RPS24: variants seen among roughly 807,000 people sequenced by gnomAD.
The protein encoded by RPS24 is ribosomal protein S24.
For synonymous variants in RPS24, 72 were observed against 55.6 expected, an observed-to-expected ratio of 1.30 and a Z score of -1.31; for missense variants, 100 against 162.5, an observed-to-expected ratio of 0.62 and a Z score of 2.09.
chr10:78,034,069 C>T, intron 1 of RPS24, 165 bp downstream of exon 1: 1 of 864,636 alleles, frequency 1.2e-6, no homozygotes, highest in Non-Finnish European at 1.9e-6. Flanking sequence ...GGCAGGGCGT[C>T]CGGGCTGGCG....
In RPS24 at chr10:78,036,627, C is replaced by T. The variant is rs115921114; in HGVS notation, c.280-567C>T. ...CTGAGGCTGCACTATTTTTAACTGA[C>T]GTTCGGTCATGTTAAAGGCCTTGCT... On this transcript the variant is annotated intron_variant, in intron 3 of 5. Coordinates refer to ENST00000372360, the MANE Select transcript of RPS24 (RefSeq NM_033022.4). The T allele has an allele frequency of 3.2e-3, 502 of 155,114 alleles. 3 individuals are homozygous for T. The highest frequency in any genetic ancestry group is 0.011 in the African/African-American group (476 of 41,532). 9.6% of individuals were successfully genotyped at this position (155,114 alleles called of 1,614,324 possible).
At chr10:78,050,695 C>T (rs1315826775) in intron 4 of RPS24, among the ~76,000 whole-genome samples, 1 of 152,204 alleles carries the variant, frequency 6.6e-6, no homozygotes, top group Non-Finnish European at 1.5e-5. Context: ...GTTGCATCCT[C>T]GAACTCCTAG....
intron 1 of RPS24, 196 bp downstream of exon 1, chr10:78,034,100 C>T (rs1336112557): frequency 1.5e-6 from 1 of 677,106 alleles, no homozygotes; most frequent in Non-Finnish European, 2.6e-6. Flanking sequence ...TAGACCCGGA[C>T]ACGCTGGGCT....
chr10:78,036,961 C>A (rs990131961), intron 3 of RPS24, among the ~76,000 whole-genome samples: 1 of 152,182 alleles, frequency 6.6e-6, no homozygotes, highest in Non-Finnish European at 1.5e-5. Context: ...CTCCCAAACT[C>A]CCTGTTGAGA....
Position 78,040,644 on chromosome 10 carries a change from T to G in RPS24, c.*49T>G, listed in dbSNP as rs932181858. The G allele has an allele frequency of 1.2e-6, 2 of 1,614,046 alleles. No homozygotes were observed. Among genetic ancestry groups the G allele is most frequent in the Non-Finnish European group, 1.7e-6 (2 of 1,179,960 alleles). On this transcript the variant is annotated 3_prime_UTR_variant, in exon 6 of 6. Transcript: ENST00000372360. Reference sequence around the variant, plus strand: ...AGGAGTAAAGGTGCTGCAATGATGTTAGCTGTGGCCACTGTGGATTTTTCG... The same window carrying G: ...AGGAGTAAAGGTGCTGCAATGATGTGAGCTGTGGCCACTGTGGATTTTTCG...
downstream of RPS24, among the ~76,000 whole-genome samples, chr10:78,042,186 T>G (rs1424894189): frequency 1.3e-5 from 2 of 152,228 alleles, no homozygotes; most frequent in Non-Finnish European, 2.9e-5. Context: ...TTGGCAGGGC[T>G]CCAGGCTGGC....
intron 4 of RPS24, among the ~76,000 whole-genome samples, chr10:78,050,107 A>C (rs934938622): frequency 1.3e-5 from 2 of 152,092 alleles, no homozygotes; most frequent in African/African-American, 4.8e-5. Flanking sequence ...TTCAGAACAA[A>C]TCAGCTCTTC....
chr10:78,042,183 G>C (rs1564630942), downstream of RPS24, among the ~76,000 whole-genome samples: 1 of 152,216 alleles, frequency 6.6e-6, no homozygotes, highest in Non-Finnish European at 1.5e-5. Flanking sequence ...CAATTGGCAG[G>C]GCTCCAGGCT....
chr10:78,054,039 G>A (rs1848126936), intron 4 of RPS24, among the ~76,000 whole-genome samples: 1 of 152,116 alleles, frequency 6.6e-6, no homozygotes, highest in Non-Finnish European at 1.5e-5. Flanking sequence ...CGTGGTGTGG[G>A]TGAAGGCCAT....
At chr10:78,044,631 G>C (rs1848023318), downstream of RPS24, among the ~76,000 whole-genome samples, 1 of 151,586 alleles carries the variant, frequency 6.6e-6, no homozygotes, top group Admixed American at 6.6e-5. Flanking sequence ...ACTCACCCTT[G>C]AACTTCCCGC....
chr10:78,037,185 C>T lies in RPS24; in HGVS notation c.280-9C>T, dbSNP rs371799077. 1 of 1,594,582 alleles carries T rather than the reference C, an allele frequency of 6.3e-7. No individual in the cohort carries two copies. The highest frequency in any genetic ancestry group is 1.3e-5 in the African/African-American group (1 of 74,460). ...ACAAGTCACCTGGATGTACTCTTTT[C>T]TCATTCAGCATGGCCTGTATGAGAA... On this transcript the variant is annotated splice_polypyrimidine_tract_variant and intron_variant, in intron 3 of 5. Transcript: ENST00000372360.
downstream of RPS24, among the ~76,000 whole-genome samples, chr10:78,045,660 T>G (rs1227957320): frequency 6.6e-6 from 1 of 151,958 alleles, no homozygotes; most frequent in Non-Finnish European, 1.5e-5. Context: ...TTTTTGTATT[T>G]TTAGTAGAGA....
chr10:78,040,525 T>C lies in RPS24; in HGVS notation c.*20-90T>C. 7.6e-6 allele frequency: 7 copies of C among 917,298 alleles called. No individual in the cohort carries two copies. The South Asian group carries it at 7.8e-5, about 10-fold the overall frequency. The allele number at this position is 917,298 out of a possible 1,614,324, so 56.8% of individuals were successfully genotyped here. A position where few individuals can be genotyped will look rare whatever the true frequency, so the allele number is the denominator to read the frequency against. On this transcript the variant is annotated intron_variant, in intron 5 of 5. Transcript: ENST00000372360. ...TGATATTCTAGGTTACTAATAATTG[T>C]TGTGCATGAGTGTTACTACTTTTGG...
At chr10:78,055,187 G>GC in exon 5 of RPS24, 2 of 1,084,388 alleles carry the variant, frequency 1.8e-6, no homozygotes, top group Non-Finnish European at 2.4e-6. Context: ...ACCTCCCCAC[G>GC]CCCCCACAAT....
downstream of RPS24, among the ~76,000 whole-genome samples, chr10:78,042,539 A>G (rs1183072769): frequency 6.6e-6 from 1 of 152,254 alleles, no homozygotes; most frequent in Non-Finnish European, 1.5e-5. Flanking sequence ...GATTCAGCAC[A>G]TTGTAGGCCC....
chr10:78,042,910 A>T (rs1214121408), downstream of RPS24, among the ~76,000 whole-genome samples: 1 of 152,176 alleles, frequency 6.6e-6, no homozygotes, highest in East Asian at 1.9e-4. Flanking sequence ...GGCTGCCCTT[A>T]AAGACAGCAT....
chr10:78,046,117 A>G (rs1213311809), intron 4 of RPS24, among the ~76,000 whole-genome samples: 1 of 152,004 alleles, frequency 6.6e-6, no homozygotes, highest in Non-Finnish European at 1.5e-5. Context: ...AGGAAACTGG[A>G]CTGAAGCTTC....
chr10:78,038,002 G>T (rs1216448288), intron 4 of RPS24: 3 of 1,281,890 alleles, frequency 2.3e-6, no homozygotes, highest in Non-Finnish European at 3.1e-6. Flanking sequence ...TTGTAAGCAC[G>T]GTGTGGGGAT....
Position 78,040,392 on chromosome 10 carries a change from A to C in RPS24, c.*19+167A>C, listed in dbSNP as rs116972591. On this transcript the variant is annotated intron_variant, in intron 5 of 5. Transcript: ENST00000372360. Reference sequence around the variant, plus strand: ...CTAACAGTGACATGGTTTTGTTTTTAAGGTTTAGCAATATTTAGCCCATTA... The same window carrying C: ...CTAACAGTGACATGGTTTTGTTTTTCAGGTTTAGCAATATTTAGCCCATTA... The C allele has an allele frequency of 0.012, 9,149 of 739,476 alleles. 79 individuals carry two copies. The highest frequency in any genetic ancestry group is 0.015 in the Non-Finnish European group (6,623 of 440,638). The allele number at this position is 739,476 out of a possible 1,614,324, so 45.8% of individuals were successfully genotyped here.
Sources: gnomAD v4.1 joint callset for allele counts (sites outside exome capture counted in the v4.1 genomes callset) on GRCh38, gnomAD v4.1.1 for gene constraint, MANE v1.5 for transcripts, NCBI Gene and HGNC (gene_info 2026-07-23, HGNC 2026-07-21) for gene names.